The following SLC7A10 variants were observed in gnomAD, a reference collection of about 807,000 sequenced individuals.
The protein encoded by SLC7A10 is solute carrier family 7 member 10.
Under a neutral mutation model 52.7 loss-of-function variants are expected in SLC7A10, and 30 were observed. The observed-to-expected ratio is 0.57, with a 90% CI of 0.43 to 0.77. The LOEUF (loss-of-function observed/expected upper bound fraction) is 0.77, where lower values mean the gene tolerates loss of function less well. SLC7A10 is among the 30% of genes least tolerant of loss of function. The pLI is 0.00. For synonymous variants in SLC7A10, 318 were observed against 314.9 expected (o/e 1.01, Z -0.10); for missense variants, 581 against 698.5 (o/e 0.83, Z 1.90).
intron 5 of SLC7A10, 130 bp downstream of exon 5, chr19:33,212,162 G>T (rs1599948094): frequency 4.4e-6 from 6 of 1,348,352 alleles, no homozygotes; most frequent in East Asian, 5.0e-5. Context: ...GGCCATTTTT[G>T]CAGGGCAACA....
At chr19:33,216,016 T>C (rs1388368500) in intron 1 of SLC7A10, 43 bp from the exon 2 acceptor site, 2 of 1,492,944 alleles carry the variant, frequency 1.3e-6, no homozygotes, top group Admixed American at 4.2e-5. Context: ...TGGGGTCCCC[T>C]TCGCAGCCCG....
At chr19:33,212,705 C>G in intron 3 of SLC7A10, 66 bp from the exon 4 acceptor site, 1 of 1,612,020 alleles carries the variant, frequency 6.2e-7, no homozygotes. Context: ...TGGCCAAGTC[C>G]AGCCCAGGCG....
Position 33,212,652 on chromosome 19 carries a change from G to A in SLC7A10, c.509-13C>T. 1 of 1,613,524 alleles carries A rather than the reference G, an allele frequency of 6.2e-7. No homozygotes were observed. Among genetic ancestry groups the A allele is most frequent in the Non-Finnish European group, 8.5e-7 (1 of 1,180,042 alleles). ...CATGTCAGGAGCACTGCGGAGGGAAGGCGGGGGTGGGCGCCGAGGCCGGGA... is the reference window on the plus strand; with the variant it reads ...CATGTCAGGAGCACTGCGGAGGGAAAGCGGGGGTGGGCGCCGAGGCCGGGA... On this transcript the variant is annotated splice_polypyrimidine_tract_variant and intron_variant, in intron 3 of 10. Coordinates refer to ENST00000253188, the MANE Select transcript of SLC7A10 (RefSeq NM_019849.3).
Position 33,210,412 on chromosome 19 carries a change from T to G in SLC7A10, c.1263+55A>C. 1.9e-6 allele frequency: 3 copies of G among 1,538,532 alleles called. No individual in the cohort carries two copies. Among genetic ancestry groups the G allele is most frequent in the Non-Finnish European group, 2.6e-6 (3 of 1,147,654 alleles). On this transcript the variant is annotated intron_variant, in intron 9 of 10. Transcript: ENST00000253188. This position sits in a 1 kb window ranked among gnomAD's most constrained non-coding sequence, Gnocchi z 5.6. ...ACCTGCCCCTGGTGCCCACTGTGGA[T>G]GCAGGGGTGGCTCTGGCAGCACCCG...
chr19:33,220,269 T>C (rs1477822929), intron 1 of SLC7A10: 2 of 152,212 alleles, frequency 1.3e-5, no homozygotes, highest in East Asian at 3.9e-4. Context: ...AGCGGAAGTG[T>C]GCGGCCCTCT....
intron 1 of SLC7A10, among the ~76,000 whole-genome samples, chr19:33,217,355 T>C (rs1233574378): frequency 6.6e-6 from 1 of 152,140 alleles, no homozygotes; most frequent in Non-Finnish European, 1.5e-5. Flanking sequence ...GGGGGCCAAC[T>C]ATGGTCTGTA....
Position 33,212,895 on chromosome 19 carries a change from A to C in SLC7A10, c.464T>G (p.Ile155Ser). The change falls in exon 3 of 11, where the codon ATC (isoleucine) becomes AGC (serine). Residue 155 changes from isoleucine (I) to serine (S), a missense_variant. Coordinates refer to ENST00000253188, the MANE Select transcript of SLC7A10 (RefSeq NM_019849.3). ...CACCCGGGAGGCTGTGGTGGGGGGGATGCAGTTGGGGAACACGGGCTGCAG... is the reference window on the plus strand; with the variant it reads ...CACCCGGGAGGCTGTGGTGGGGGGGCTGCAGTTGGGGAACACGGGCTGCAG... The part of the protein sequence containing the change: ...YVLQPVFPNC[I>S]PPTTASRVLS... The C allele has an allele frequency of 6.2e-7, 1 of 1,613,754 alleles. No individual in the cohort carries two copies. The highest frequency in any genetic ancestry group is 1.3e-5 in the African/African-American group (1 of 74,902).
intron 1 of SLC7A10, among the ~76,000 whole-genome samples, chr19:33,220,706 G>A (rs979799614): frequency 5.9e-5 from 9 of 152,102 alleles, no homozygotes; most frequent in Non-Finnish European, 4.4e-5. Flanking sequence ...ACTCAGCCGC[G>A]GACATCACAG....
Position 33,211,542 on chromosome 19 carries a change from T to C in SLC7A10, c.789-5A>G, listed in dbSNP as rs1450497485. ...AAGATGGCGCGAGGTAGGTTCCTGGTGACAGGCAGTGGAGTGCGTCAGCGT... is the reference window on the plus strand; with the variant it reads ...AAGATGGCGCGAGGTAGGTTCCTGGCGACAGGCAGTGGAGTGCGTCAGCGT... On this transcript the variant is annotated splice_polypyrimidine_tract_variant and splice_region_variant and intron_variant, in intron 5 of 10. Coordinates refer to ENST00000253188, the MANE Select transcript of SLC7A10 (RefSeq NM_019849.3). 1.2e-6 allele frequency: 2 copies of C among 1,613,994 alleles called. No individual in the cohort carries two copies. The highest frequency in any genetic ancestry group is 4.5e-5 in the East Asian group (2 of 44,850).
rs74174657 is a variant in SLC7A10 at position 33,210,692 on chromosome 19, AC to A, written c.1114-77del. ...CCCCTGCAGGATGAGCCCTGGCCCC[AC>A]CCCCAACCCCCACCCTGGAATGGCT... On this transcript the variant is annotated intron_variant, in intron 8 of 10. Coordinates refer to ENST00000253188, the MANE Select transcript of SLC7A10 (RefSeq NM_019849.3). The surrounding 1 kb of genome is among the most constrained non-coding windows in gnomAD (Gnocchi z 5.6). 6 of 1,597,836 alleles carry A rather than the reference AC, an allele frequency of 3.8e-6. No homozygotes were observed. Among genetic ancestry groups the A allele is most frequent in the Middle Eastern group, 1.7e-4 (1 of 5,880 alleles).
intron 5 of SLC7A10, 154 bp downstream of exon 5, chr19:33,212,137 CG>C (rs1288124491): frequency 8.3e-6 from 9 of 1,080,702 alleles, no homozygotes; most frequent in Non-Finnish European, 1.1e-5. Flanking sequence ...GCAAGCCCCC[CG>C]GCTTTCTTCC....
chr19:33,225,478 G>A lies in SLC7A10; in HGVS notation c.151+75C>T, dbSNP rs1974902157. The A allele has an allele frequency of 1.9e-6, 3 of 1,550,416 alleles. No homozygotes were observed. The East Asian group carries it at 6.8e-5, about 35-fold the overall frequency. On this transcript the variant is annotated intron_variant, in intron 1 of 10. Transcript: ENST00000253188. ...GACCCGTCCGAGCGCCCGGAGAGGG[G>A]ACGCCCCTCGTTCGGAGCGGCTGCG...
At chr19:33,216,039 G>C in intron 1 of SLC7A10, 66 bp from the exon 2 acceptor site, 16 of 1,395,262 alleles carry the variant, frequency 1.1e-5, no homozygotes, top group Non-Finnish European at 1.5e-5. Context: ...CTTCTGTGTG[G>C]GGATCTGCCT....
chr19:33,218,660 G>GATTGATTT (rs1555733766), intron 1 of SLC7A10, among the ~76,000 whole-genome samples: 1 of 46,762 alleles, frequency 2.1e-5, no homozygotes, highest in East Asian at 5.6e-4. Context: ...GGGACCGGTG[G>GATTGATTT]ATTTCTTTCT....
rs781114410 is a variant in SLC7A10, at chr19:33,210,612, C to G, written c.1118G>C (p.Gly373Ala). ...CACGAGCATGATGACGGCTGTGGCC[C>G]CGCACTGGGAGAGGACCTGGGGCTG... ...TPIPALLVCC[G>A]ATAVIMLVGD... The change falls in exon 9 of 11, where the codon GGG (glycine) becomes GCG (alanine). Residue 373 changes from glycine to alanine, a missense_variant. Transcript: ENST00000253188. The surrounding 1 kb of genome is among the most constrained non-coding windows in gnomAD (Gnocchi z 5.6). The G allele has an allele frequency of 6.2e-7, 1 of 1,611,524 alleles. No homozygotes were observed. The highest frequency in any genetic ancestry group is 1.1e-5 in the South Asian group (1 of 91,088).
At chr19:33,216,346 C>A (rs1974683396) in intron 1 of SLC7A10, among the ~76,000 whole-genome samples, 1 of 152,282 alleles carries the variant, frequency 6.6e-6, no homozygotes, top group Middle Eastern at 3.4e-3. Flanking sequence ...TCCTCAGGCA[C>A]CCCACAAGGC....
At chr19:33,222,813 T>G (rs1034668294) in intron 1 of SLC7A10, among the ~76,000 whole-genome samples, 19 of 152,102 alleles carry the variant, frequency 1.2e-4, no homozygotes, top group African/African-American at 4.3e-4. Context: ...GGCACTGCCC[T>G]AAACACACTA....
intron 1 of SLC7A10, among the ~76,000 whole-genome samples, chr19:33,216,252 A>G (rs1285247160): frequency 6.6e-6 from 1 of 152,088 alleles, no homozygotes; most frequent in African/African-American, 2.4e-5. Flanking sequence ...GCCCTGTTTG[A>G]CTTTCTCAGC....
At position 33,210,665 on chromosome 19, in the gene SLC7A10, C is replaced by T. The variant is rs370637356; in HGVS notation, c.1114-49G>A. The T allele has an allele frequency of 6.5e-5, 104 of 1,609,758 alleles. No individual in the cohort carries two copies. Among genetic ancestry groups the T allele is most frequent in the Non-Finnish European group, 7.6e-5 (90 of 1,179,674 alleles). On this transcript the variant is annotated intron_variant, in intron 8 of 10. Transcript: ENST00000253188. The surrounding 1 kb of genome is among the most constrained non-coding windows in gnomAD (Gnocchi z 5.6). ...GGCTGGCCCCTAGCCTGCCTCCTGA[C>T]GCCCCTGCAGGATGAGCCCTGGCCC...
Sources: allele counts gnomAD v4.1 joint callset (sites outside exome capture counted in the v4.1 genomes callset), GRCh38; gene constraint gnomAD v4.1.1; non-coding constraint Gnocchi (gnomAD v3.1); transcripts MANE v1.5; gene names NCBI Gene and HGNC (gene_info 2026-07-23, HGNC 2026-07-21).